Variants in GALNT13 observed in about 807,000 individuals in gnomAD.
The protein encoded by GALNT13 is UDP-GalNAc:polypeptide N-acetylgalactosaminyltransferase 13.
In GALNT13, 28 loss-of-function variants were observed where a neutral mutation model predicts 64.2. The ratio of observed to expected loss-of-function variants is 0.44; its 90% CI spans 0.32 to 0.60. The LOEUF is 0.60. GALNT13 is among the 20% of genes least tolerant of loss of function. The pLI, the probability that GALNT13 is intolerant of heterozygous loss-of-function variation, is 0.05. For synonymous variants in GALNT13, 214 were observed against 224.6 expected, an observed-to-expected ratio of 0.95 and a Z score of 0.42; for missense variants, 577 against 669.8, an observed-to-expected ratio of 0.86 and a Z score of 1.53.
the GALNT13 span, among the ~76,000 whole-genome samples, chr2:153,765,186 C>G: frequency 6.6e-6 from 1 of 152,156 alleles, no homozygotes; most frequent in Admixed American, 6.5e-5. Flanking sequence ...CCTCCAGACC[C>G]CAGAATGGTA....
intron 2 of GALNT13, among the ~76,000 whole-genome samples, chr2:153,932,658 G>A (rs1690617811): frequency 8.5e-6 from 1 of 117,160 alleles, no homozygotes; most frequent in Admixed American, 1.2e-4. Flanking sequence ...ATGGAGTCTC[G>A]CTCTTGTTGC....
At chr2:153,432,425 A>C in the GALNT13 span, among the ~76,000 whole-genome samples, 1 of 152,228 alleles carries the variant, frequency 6.6e-6, no homozygotes, top group Non-Finnish European at 1.5e-5. Context: ...TTCGAGCTGC[A>C]CAAATTAATC....
the GALNT13 span, among the ~76,000 whole-genome samples, chr2:153,793,881 C>A: frequency 3.3e-5 from 5 of 152,090 alleles, no homozygotes; most frequent in South Asian, 1.0e-3. Context: ...AATAAATACT[C>A]TAGAAAGCTG....
At chr2:154,001,672 G>T (rs1207954479) in intron 3 of GALNT13, among the ~76,000 whole-genome samples, 1 of 151,754 alleles carries the variant, frequency 6.6e-6, no homozygotes. Flanking sequence ...TTTTGTTTTA[G>T]TCTTCATACT....
At chr2:154,394,298 AC>A (rs1272431858) in intron 9 of GALNT13, among the ~76,000 whole-genome samples, 1 of 152,070 alleles carries the variant, frequency 6.6e-6, no homozygotes, top group Non-Finnish European at 1.5e-5. Context: ...GTATTTCATG[AC>A]GTGAAAATTA....
chr2:153,117,799 A>G, the GALNT13 span, among the ~76,000 whole-genome samples: 1 of 151,958 alleles, frequency 6.6e-6, no homozygotes, highest in Non-Finnish European at 1.5e-5. Context: ...CCTTCCACTA[A>G]CTTGGTTGTC....
intron 4 of GALNT13, among the ~76,000 whole-genome samples, chr2:154,171,273 G>A (rs866443863): frequency 6.6e-6 from 1 of 152,082 alleles, no homozygotes; most frequent in African/African-American, 2.4e-5. Flanking sequence ...GGGGAAGGAT[G>A]GGAGGGAATT....
At chr2:153,286,497 T>C in the GALNT13 span, among the ~76,000 whole-genome samples, 3 of 152,148 alleles carry the variant, frequency 2.0e-5, no homozygotes, top group African/African-American at 7.2e-5. Flanking sequence ...TAAGATTAGT[T>C]AAGAAAAGTT....
At chr2:153,444,811 T>C in the GALNT13 span, among the ~76,000 whole-genome samples, 23 of 152,308 alleles carry the variant, frequency 1.5e-4, no homozygotes, top group East Asian at 3.5e-3. Context: ...TATAGGTATG[T>C]AAGTTCTTTT....
chr2:153,257,312 C>T, the GALNT13 span, among the ~76,000 whole-genome samples: 1 of 152,084 alleles, frequency 6.6e-6, no homozygotes, highest in Non-Finnish European at 1.5e-5. Flanking sequence ...TGCTTCGGCT[C>T]GTGCACGGTG....
the GALNT13 span, among the ~76,000 whole-genome samples, chr2:153,600,710 T>C: frequency 6.6e-6 from 1 of 152,148 alleles, no homozygotes; most frequent in South Asian, 2.1e-4. Flanking sequence ...CTTAAGACAT[T>C]AATAGATGCA....
the GALNT13 span, among the ~76,000 whole-genome samples, chr2:153,442,812 A>T: frequency 2.6e-5 from 4 of 152,278 alleles, no homozygotes; most frequent in East Asian, 7.7e-4. Flanking sequence ...GGCTCCTCCC[A>T]GTTTGAACTT....
At position 154,005,608 on chromosome 2, in the gene GALNT13, C is replaced by T. The variant is rs1183642165; in HGVS notation, c.142+60969C>T. Among the ~76,000 whole-genome samples, 7 of 152,222 alleles carry T rather than the reference C, an allele frequency of 4.6e-5. No individual in the cohort carries two copies. In the South Asian group the frequency reaches 8.3e-4, roughly 18 times the overall value. ...CTCAGAGGCTTATCCAAGCACACAGCGAGTTTATTATCCCTTTTCATCTTG... is the reference window on the plus strand; with the variant it reads ...CTCAGAGGCTTATCCAAGCACACAGTGAGTTTATTATCCCTTTTCATCTTG... On this transcript the variant is annotated intron_variant, in intron 3 of 12. Coordinates refer to ENST00000392825, the MANE Select transcript of GALNT13 (RefSeq NM_052917.4).
At chr2:153,413,209 C>G in the GALNT13 span, among the ~76,000 whole-genome samples, 2 of 152,058 alleles carry the variant, frequency 1.3e-5, no homozygotes, top group Non-Finnish European at 1.5e-5. Context: ...CTTTGCTTCC[C>G]GTATCCTATC....
At chr2:153,823,747 C>T in the GALNT13 span, among the ~76,000 whole-genome samples, 1 of 152,030 alleles carries the variant, frequency 6.6e-6, no homozygotes, top group Non-Finnish European at 1.5e-5. Context: ...GAAATTTTGA[C>T]AAAAACAAAA....
the GALNT13 span, chr2:153,354,359 A>G: frequency 6.6e-6 from 1 of 152,218 alleles, no homozygotes; most frequent in Non-Finnish European, 1.5e-5. Flanking sequence ...GGACCGTCTT[A>G]CTAGGGTGGA....
Position 153,934,550 on chromosome 2 carries a change from A to T in GALNT13, c.-104-9844A>T, listed in dbSNP as rs1015648807. Among the ~76,000 whole-genome samples, 5 of 152,274 alleles carry T rather than the reference A, an allele frequency of 3.3e-5. No homozygotes were observed. The East Asian group carries it at 9.7e-4, about 30-fold the overall frequency. On this transcript the variant is annotated intron_variant, in intron 2 of 12. Transcript: ENST00000392825. The stretch of plus-strand genomic sequence containing the variant: ...GCACAGGAAGTACATGAACCATCAA[A>T]TGTCACGTGTCAATGCAGTTTGTCA...
chr2:153,256,773 G>A, the GALNT13 span, among the ~76,000 whole-genome samples: 1 of 152,192 alleles, frequency 6.6e-6, no homozygotes, highest in Admixed American at 6.5e-5. Flanking sequence ...CGGGGGTCAA[G>A]GGTCAGGGAC....
At chr2:153,384,346 A>C in the GALNT13 span, among the ~76,000 whole-genome samples, 2,324 of 152,180 alleles carry the variant, frequency 0.015, 58 homozygotes, top group African/African-American at 0.052. Context: ...TATTGAAAGC[A>C]AATACCATTT....
Sources: allele counts gnomAD v4.1 joint callset (sites outside exome capture counted in the v4.1 genomes callset), GRCh38; gene constraint gnomAD v4.1.1; transcripts MANE v1.5; gene names NCBI Gene and HGNC (gene_info 2026-07-23, HGNC 2026-07-21).